DGKG: variants seen among roughly 807,000 people sequenced by gnomAD.
DGKG encodes diacylglycerol kinase gamma.
DGKG carries 78 observed loss-of-function variants against 105.3 expected under a neutral mutation model. That is an observed-to-expected ratio of 0.74 (90% confidence interval 0.62 to 0.89). The LOEUF (loss-of-function observed/expected upper bound fraction) is 0.89, where lower values mean the gene tolerates loss of function less well. DGKG is among the 40% of genes least tolerant of loss of function. DGKG has a pLI of 0.00. For missense variants in DGKG, 958 were observed against 1,020.1 expected (o/e 0.94, Z 0.83); for synonymous variants, 346 against 367.1 (o/e 0.94, Z 0.66).
chr3:186,218,550 T>C (rs1719418228), intron 20 of DGKG, among the ~76,000 whole-genome samples: 1 of 150,530 alleles, frequency 6.6e-6, no homozygotes, highest in Admixed American at 6.6e-5. Context: ...CCAACTGCTT[T>C]CCAAGGTTTC....
chr3:186,290,029 A>C (rs774905476), intron 5 of DGKG, among the ~76,000 whole-genome samples: 34 of 152,324 alleles, frequency 2.2e-4, no homozygotes, highest in Admixed American at 6.5e-4. Flanking sequence ...AAGGTCACTG[A>C]CACAATTTGT....
intron 15 of DGKG, 53 bp downstream of exon 15, chr3:186,261,646 G>A: frequency 7.7e-7 from 1 of 1,292,594 alleles, no homozygotes. Context: ...GGGGAGGAAG[G>A]GCCTGAGTCG....
At chr3:186,344,935 T>C (rs1200216843) in intron 1 of DGKG, among the ~76,000 whole-genome samples, 1 of 152,200 alleles carries the variant, frequency 6.6e-6, no homozygotes, top group African/African-American at 2.4e-5. Context: ...ATATAATTTT[T>C]TCAGTAGTAT....
Position 186,218,602 on chromosome 3 carries a change from A to C in DGKG, c.1827-6717T>G, listed in dbSNP as rs60430504. ...AACTTGAGATGACACAATTCAGAAC[A>C]GGATGGGAGGACTCACGTGTTCTAC... On this transcript the variant is annotated intron_variant, in intron 20 of 24. Coordinates refer to ENST00000265022, the MANE Select transcript of DGKG (RefSeq NM_001346.3). 2.5e-3 allele frequency among the ~76,000 whole-genome samples: 384 copies of C among 152,116 alleles called. 4 individuals are homozygous for C. Among genetic ancestry groups the C allele is most frequent in the African/African-American group, 8.7e-3 (361 of 41,524 alleles).
intron 19 of DGKG, among the ~76,000 whole-genome samples, chr3:186,248,753 C>G (rs145459292): frequency 1.3e-5 from 2 of 152,184 alleles, no homozygotes; most frequent in Non-Finnish European, 2.9e-5. Context: ...GCTCAGTGGT[C>G]CACAGCTCAG....
chr3:186,273,367 C>CCTTTTTTTT lies in DGKG; in HGVS notation c.911-1025_911-1024insAAAAAAAAG, dbSNP rs1553811123. On this transcript the variant is annotated intron_variant, in intron 10 of 24. Transcript: ENST00000265022. ...TGGCGCTGGGGAGACTGTTGTACCCCTTTTTTTTTTTTTTTTTTTTTTTTT... is the reference window on the plus strand; with the variant it reads ...TGGCGCTGGGGAGACTGTTGTACCCCCTTTTTTTTTTTTTTTTTTTTTTTTTTTTTTTTT... 4.7e-5 allele frequency among the ~76,000 whole-genome samples: 4 copies of CCTTTTTTTT among 85,598 alleles called. 1 individual carries two copies. Among genetic ancestry groups the CCTTTTTTTT allele is most frequent in the Non-Finnish European group, 2.3e-5 (1 of 43,342 alleles). 56.2% of individuals were successfully genotyped at this position (85,598 alleles called of 152,430 possible).
chr3:186,260,541 G>C (rs752321380), intron 15 of DGKG, 28 bp from the exon 16 acceptor site: 3 of 1,530,470 alleles, frequency 2.0e-6, no homozygotes, highest in Non-Finnish European at 2.7e-6. Context: ...AAAGGAGGGA[G>C]AGAGAGAGAC....
intron 17 of DGKG, among the ~76,000 whole-genome samples, chr3:186,254,019 C>T (rs965745739): frequency 2.4e-4 from 37 of 152,338 alleles, no homozygotes; most frequent in African/African-American, 8.4e-4. Context: ...CCTCTTCTGA[C>T]AGTTGTGAAG....
intron 20 of DGKG, among the ~76,000 whole-genome samples, chr3:186,239,676 TTC>T (rs558607816): frequency 5.8e-4 from 88 of 152,346 alleles, no homozygotes; most frequent in African/African-American, 2.1e-3. Context: ...ACCTCAGCCC[TTC>T]TGTCTTCGTT....
intron 1 of DGKG, among the ~76,000 whole-genome samples, chr3:186,339,630 T>C (rs190074318): frequency 6.6e-6 from 1 of 152,280 alleles, no homozygotes; most frequent in African/African-American, 2.4e-5. Flanking sequence ...TCCAAAATAA[T>C]GAGCCCAGCT....
intron 13 of DGKG, among the ~76,000 whole-genome samples, chr3:186,267,061 TG>T (rs1456919946): frequency 6.6e-6 from 1 of 152,000 alleles, no homozygotes; most frequent in Non-Finnish European, 1.5e-5. Context: ...ACGTGCCAGG[TG>T]GGGGTAAAGG....
intron 20 of DGKG, among the ~76,000 whole-genome samples, chr3:186,230,236 C>T (rs532502006): frequency 1.7e-3 from 255 of 152,266 alleles, no homozygotes; most frequent in African/African-American, 5.7e-3. Flanking sequence ...CCAGCCTGGG[C>T]AACAGAGCGA....
intron 2 of DGKG, 143 bp from the exon 3 acceptor site, chr3:186,307,120 C>A (rs1027154204): frequency 3.6e-5 from 23 of 632,318 alleles, no homozygotes; most frequent in African/African-American, 2.9e-4. Flanking sequence ...CCTCTTCTAC[C>A]CTTTGTCCTC....
At chr3:186,199,076 T>G (rs987048164) in intron 21 of DGKG, among the ~76,000 whole-genome samples, 6 of 151,932 alleles carry the variant, frequency 3.9e-5, no homozygotes, top group African/African-American at 1.5e-4. Flanking sequence ...GCCTCCCGAG[T>G]AGCTGGGACT....
At position 186,211,795 on chromosome 3, in the gene DGKG, C is replaced by T. The variant is rs61752077; in HGVS notation, c.1917G>A (p.Glu639=). The T allele has an allele frequency of 1.1e-3, 1,719 of 1,613,614 alleles. 15 individuals carry two copies. In the African/African-American group the frequency reaches 0.02, roughly 18 times the overall value. ...CKKLHDHIEL[E]CDGVGVDLSN... ...GCCTTCTCCCCACTTGGGAACTTAC[C>T]TCCAACTCAATGTGGTCGTGGAGTT... The change falls in exon 21 of 25, where the codon GAG becomes GAA. Residue 639 remains glutamate (E), a splice_region_variant and synonymous_variant. Coordinates refer to ENST00000265022, the MANE Select transcript of DGKG (RefSeq NM_001346.3).
chr3:186,269,492 T>C (rs1003492148), intron 11 of DGKG, among the ~76,000 whole-genome samples: 1 of 152,208 alleles, frequency 6.6e-6, no homozygotes, highest in Non-Finnish European at 1.5e-5. Flanking sequence ...TCCTGGCCCT[T>C]TGGGAGTACC....
At chr3:186,190,895 T>C (rs1243335743) in intron 21 of DGKG, among the ~76,000 whole-genome samples, 1 of 152,188 alleles carries the variant, frequency 6.6e-6, no homozygotes, top group African/African-American at 2.4e-5. Flanking sequence ...ACATTATGCG[T>C]TAACATCCTT....
intron 1 of DGKG, among the ~76,000 whole-genome samples, chr3:186,330,289 T>C (rs1725541295): frequency 6.6e-6 from 1 of 152,254 alleles, no homozygotes; most frequent in Non-Finnish European, 1.5e-5. Context: ...AGTTACTTTA[T>C]TATGCTTAAT....
intron 20 of DGKG, among the ~76,000 whole-genome samples, chr3:186,222,955 G>C (rs1236468658): frequency 7.3e-6 from 1 of 137,150 alleles, no homozygotes; most frequent in Non-Finnish European, 1.6e-5. Flanking sequence ...GTGAGACTCT[G>C]TCTCAGGAAA....
Sources: gnomAD v4.1 joint callset for allele counts (sites outside exome capture counted in the v4.1 genomes callset) on GRCh38, gnomAD v4.1.1 for gene constraint, MANE v1.5 for transcripts, NCBI Gene and HGNC (gene_info 2026-07-23, HGNC 2026-07-21) for gene names.